Variants in RP1 observed in about 807,000 individuals in gnomAD.
RP1 encodes RP1 axonemal microtubule associated.
RP1 carries 16 observed loss-of-function variants against 14.8 expected under a neutral mutation model. The observed-to-expected ratio is 1.08, with a 90% confidence interval of 0.73 to 1.65. The LOEUF (loss-of-function observed/expected upper bound fraction) is 1.65. Ranked by LOEUF, RP1 falls within the 40% of genes most tolerant of loss-of-function variation. The pLI is 0.00. For synonymous variants in RP1, 876 were observed against 883.6 expected, an observed-to-expected ratio of 0.99 and a Z score of 0.15; for missense variants, 2,631 against 2,535.0, an observed-to-expected ratio of 1.04 and a Z score of -0.81.
At chr8:54,663,855 G>A in intron 7 of RP1, 1 of 1,514,894 alleles carries the variant, frequency 6.6e-7, no homozygotes, top group Non-Finnish European at 8.8e-7. Flanking sequence ...GGACAAGTAA[G>A]CAAAATGCCC....
intron 18 of RP1, among the ~76,000 whole-genome samples, chr8:54,737,887 C>G: frequency 6.6e-6 from 1 of 152,136 alleles, no homozygotes; most frequent in East Asian, 1.9e-4. Flanking sequence ...GTGCCTGCCT[C>G]TTTATATCTC....
At chr8:54,685,607 G>A (rs140142712) in intron 12 of RP1, among the ~76,000 whole-genome samples, 87 of 152,220 alleles carry the variant, frequency 5.7e-4, no homozygotes, top group African/African-American at 1.9e-3. Flanking sequence ...TAGAGAATGA[G>A]CCAGAGAATG....
intron 1 of RP1, among the ~76,000 whole-genome samples, chr8:54,567,216 G>C (rs1804428958): frequency 6.6e-6 from 1 of 152,136 alleles, no homozygotes; most frequent in Non-Finnish European, 1.5e-5. Flanking sequence ...TCACCCAAAT[G>C]CCTATTTGAC....
intron 24 of RP1, among the ~76,000 whole-genome samples, chr8:54,815,446 A>G (rs1307560353): frequency 1.3e-5 from 2 of 152,242 alleles, no homozygotes; most frequent in African/African-American, 4.8e-5. Flanking sequence ...CACTTTAAAT[A>G]TTCTAGACTA....
intron 1 of RP1, among the ~76,000 whole-genome samples, chr8:54,606,604 G>T (rs192517675): frequency 1.2e-3 from 189 of 152,208 alleles, no homozygotes; most frequent in African/African-American, 4.3e-3. Context: ...TGCTAGATTG[G>T]GGAAGTTCTC....
chr8:54,742,854 GGTAT>G (rs1809131980), intron 19 of RP1, among the ~76,000 whole-genome samples: 4 of 152,154 alleles, frequency 2.6e-5, no homozygotes, highest in African/African-American at 9.6e-5. Flanking sequence ...GTGGTTGAGG[GGTAT>G]AGCAACATCA....
intron 7 of RP1, among the ~76,000 whole-genome samples, chr8:54,669,894 G>C (rs1186283884): frequency 6.6e-6 from 1 of 152,026 alleles, no homozygotes; most frequent in African/African-American, 2.4e-5. Context: ...GGAGGGAAGG[G>C]GGAGGGATAG....
intron 24 of RP1, among the ~76,000 whole-genome samples, chr8:54,800,541 GTTCTATTATTT>G (rs1423405322): frequency 1.3e-5 from 2 of 151,874 alleles, no homozygotes; most frequent in African/African-American, 2.4e-5. Context: ...CGGATGCTCT[GTTCTATTATTT>G]TTCTATTAAC....
At chr8:54,745,130 G>T (rs909010180) in intron 19 of RP1, among the ~76,000 whole-genome samples, 3 of 152,172 alleles carry the variant, frequency 2.0e-5, no homozygotes, top group African/African-American at 7.2e-5. Flanking sequence ...TGCAGTTCTT[G>T]TCTTCAAAGA....
At chr8:54,591,011 C>T (rs755694065) in intron 1 of RP1, among the ~76,000 whole-genome samples, 3 of 152,182 alleles carry the variant, frequency 2.0e-5, no homozygotes, top group Non-Finnish European at 4.4e-5. Flanking sequence ...TAAGTCTCAA[C>T]AGTTCCATTC....
intron 1 of RP1, among the ~76,000 whole-genome samples, chr8:54,586,767 G>T (rs1804936164): frequency 6.6e-6 from 1 of 152,186 alleles, no homozygotes; most frequent in African/African-American, 2.4e-5. Flanking sequence ...AATGAGCATG[G>T]CTCCGTGGGC....
intron 7 of RP1, among the ~76,000 whole-genome samples, chr8:54,665,079 G>A (rs1179346365): frequency 6.6e-6 from 1 of 152,060 alleles, no homozygotes; most frequent in African/African-American, 2.4e-5. Context: ...TTAAACCTTT[G>A]TATTTCCTCT....
chr8:54,752,112 A>G (rs1448109087), intron 19 of RP1, among the ~76,000 whole-genome samples: 1 of 152,242 alleles, frequency 6.6e-6, no homozygotes, highest in East Asian at 1.9e-4. Context: ...TGTGACTTCA[A>G]GCAATACTTG....
intron 24 of RP1, among the ~76,000 whole-genome samples, chr8:54,796,838 C>T (rs188640629): frequency 1.3e-5 from 2 of 152,264 alleles, no homozygotes; most frequent in African/African-American, 4.8e-5. Flanking sequence ...ATCCAACAGT[C>T]AGATGCTTCA....
At chr8:54,834,748 G>A (rs1187914837) in intron 24 of RP1, among the ~76,000 whole-genome samples, 2 of 151,198 alleles carry the variant, frequency 1.3e-5, no homozygotes, top group African/African-American at 4.9e-5. Flanking sequence ...TAACTTGTTA[G>A]AACTCAAGTT....
chr8:54,567,884 C>T (rs1804441030), intron 1 of RP1, among the ~76,000 whole-genome samples: 1 of 152,162 alleles, frequency 6.6e-6, no homozygotes, highest in Non-Finnish European at 1.5e-5. Context: ...TAGCCTAATG[C>T]TTGGCACACA....
At chr8:54,835,670 G>A (rs2129402501) in intron 24 of RP1, among the ~76,000 whole-genome samples, 1 of 152,264 alleles carries the variant, frequency 6.6e-6, no homozygotes, top group Admixed American at 6.5e-5. Context: ...GTAGTATTCA[G>A]ATGGGGGCAC....
intron 2 of RP1, 81 bp downstream of exon 2, chr8:54,621,662 G>GC (rs913965165): frequency 2.5e-6 from 4 of 1,597,684 alleles, no homozygotes; most frequent in Admixed American, 3.3e-5. Flanking sequence ...ATGAATGGTG[G>GC]CCCCCGGGAA....
intron 18 of RP1, chr8:54,738,937 A>G: frequency 1.4e-6 from 2 of 1,457,404 alleles, no homozygotes; most frequent in Non-Finnish European, 1.8e-6. Context: ...TTTGCATTTC[A>G]TTCAGGTTGA....
Sources: gnomAD v4.1 joint callset for allele counts (sites outside exome capture counted in the v4.1 genomes callset) on GRCh38, gnomAD v4.1.1 for gene constraint, MANE v1.5 for transcripts, NCBI Gene and HGNC (gene_info 2026-07-23, HGNC 2026-07-21) for gene names.